SMOC2: variants seen among roughly 807,000 people sequenced by gnomAD.
The protein encoded by SMOC2 is SPARC-related modular calcium-binding protein 2.
SMOC2 carries 39 observed loss-of-function variants against 61.4 expected under a neutral mutation model. The ratio of observed to expected loss-of-function variants is 0.64; its 90% CI spans 0.49 to 0.83. SMOC2 has a LOEUF of 0.83. Among genes scored for constraint, SMOC2 ranks in the 40% least tolerant of loss-of-function variants. SMOC2 has a pLI of 0.00. For synonymous variants in SMOC2, 247 were observed against 239.9 expected, an observed-to-expected ratio of 1.03 and a Z score of -0.27; for missense variants, 556 against 592.9, an observed-to-expected ratio of 0.94 and a Z score of 0.65.
intron 9 of SMOC2, among the ~76,000 whole-genome samples, chr6:168,614,255 A>G (rs1487503614): frequency 1.6e-5 from 1 of 62,164 alleles, no homozygotes. Flanking sequence ...ACCTACAGCC[A>G]GCACAGGGCC....
intron 7 of SMOC2, among the ~76,000 whole-genome samples, chr6:168,586,532 G>C (rs1785049728): frequency 6.6e-6 from 1 of 152,128 alleles, no homozygotes; most frequent in Admixed American, 6.5e-5. Context: ...GAGCTTCCTA[G>C]GATTTCGGTA....
At chr6:168,618,475 G>A (rs1786157415) in intron 9 of SMOC2, among the ~76,000 whole-genome samples, 1 of 150,780 alleles carries the variant, frequency 6.6e-6, no homozygotes, top group South Asian at 2.1e-4. Context: ...AGGAGAGGCG[G>A]GTAGTGGCAT....
intron 1 of SMOC2, among the ~76,000 whole-genome samples, chr6:168,503,779 A>G (rs1782795206): frequency 2.0e-5 from 3 of 152,024 alleles, no homozygotes; most frequent in Admixed American, 6.6e-5. Context: ...CCAGAGCCCA[A>G]TGTTAATGCC....
intron 7 of SMOC2, among the ~76,000 whole-genome samples, chr6:168,552,320 A>G (rs1562343022): frequency 6.6e-6 from 1 of 152,204 alleles, no homozygotes; most frequent in Admixed American, 6.5e-5. Context: ...TTTACTTGTA[A>G]TCATCTTCGG....
intron 7 of SMOC2, among the ~76,000 whole-genome samples, chr6:168,559,918 C>T (rs369704021): frequency 2.4e-4 from 37 of 152,134 alleles, no homozygotes; most frequent in African/African-American, 5.1e-4. Flanking sequence ...TTGCCAAGCA[C>T]GATGCATTAC....
chr6:168,547,138 G>C lies in SMOC2; in HGVS notation c.531G>C (p.Ala177=). Reference sequence around the variant, plus strand: ...ATTCAGATGATGCCGCAGCTCCAGCGTTGGAGACTCAGCCTCAAGGAGATG... The same window carrying C: ...ATTCAGATGATGCCGCAGCTCCAGCCTTGGAGACTCAGCCTCAAGGAGATG... The part of the protein sequence containing the change: ...TGKTDDAAAP[A]LETQPQGDEE... Residue 177 remains alanine, a synonymous_variant, in exon 6 of 13, where the codon GCG becomes GCC. Coordinates refer to ENST00000356284, the MANE Select transcript of SMOC2 (RefSeq NM_001166412.2). 1 of 1,614,054 alleles carries C rather than the reference G, an allele frequency of 6.2e-7. No homozygotes were observed. The highest frequency in any genetic ancestry group is 2.2e-5 in the East Asian group (1 of 44,850).
intron 9 of SMOC2, among the ~76,000 whole-genome samples, chr6:168,645,897 C>T (rs1359250645): frequency 6.6e-6 from 1 of 152,168 alleles, no homozygotes; most frequent in Admixed American, 6.5e-5. Context: ...GATTGGACTT[C>T]CAAGCCAGAG....
intron 1 of SMOC2, among the ~76,000 whole-genome samples, chr6:168,445,351 G>A (rs1781308724): frequency 6.6e-6 from 1 of 152,136 alleles, no homozygotes; most frequent in African/African-American, 2.4e-5. Flanking sequence ...TGGAATGCAT[G>A]ACCACAGACC....
At chr6:168,488,731 G>C (rs1782393386) in intron 1 of SMOC2, among the ~76,000 whole-genome samples, 1 of 151,702 alleles carries the variant, frequency 6.6e-6, no homozygotes, top group African/African-American at 2.4e-5. Context: ...ATATCAAATC[G>C]TCTGGGTCCC....
intron 1 of SMOC2, 47 bp downstream of exon 1, chr6:168,441,501 T>C: frequency 6.9e-7 from 1 of 1,452,390 alleles, no homozygotes; most frequent in Non-Finnish European, 9.0e-7. Flanking sequence ...TGCCGCCTCT[T>C]GCAGCCGGCC....
At chr6:168,615,791 G>T (rs1243636316) in intron 9 of SMOC2, among the ~76,000 whole-genome samples, 1 of 152,112 alleles carries the variant, frequency 6.6e-6, no homozygotes, top group Non-Finnish European at 1.5e-5. Flanking sequence ...TTTTTCTTGG[G>T]GCCCCAAGCA....
intron 9 of SMOC2, among the ~76,000 whole-genome samples, chr6:168,617,448 A>T (rs1385447452): frequency 6.6e-6 from 1 of 152,106 alleles, no homozygotes; most frequent in Non-Finnish European, 1.5e-5. Context: ...AGGGCACTGC[A>T]TTCGTGGACT....
chr6:168,444,096 G>A (rs1230891477), intron 1 of SMOC2, among the ~76,000 whole-genome samples: 2 of 152,192 alleles, frequency 1.3e-5, no homozygotes, highest in Admixed American at 6.5e-5. Context: ...TAAGGTGTGT[G>A]TGGATTCAAC....
chr6:168,441,522 C>T (rs1457053531), intron 1 of SMOC2, 68 bp downstream of exon 1: 1 of 1,419,000 alleles, frequency 7.0e-7, no homozygotes, highest in Non-Finnish European at 9.2e-7. Context: ...GGGTTCGGGT[C>T]CCCGCGCCCC....
chr6:168,515,773 G>A (rs2763236), intron 2 of SMOC2, among the ~76,000 whole-genome samples: 136,334 of 152,250 alleles, frequency 0.9, 61,968 homozygotes, highest in East Asian at 1. Context: ...ACTGAGCCCA[G>A]GACGGGTGAG....
intron 2 of SMOC2, among the ~76,000 whole-genome samples, chr6:168,520,351 G>C (rs1783300108): frequency 2.0e-5 from 3 of 152,186 alleles, no homozygotes; most frequent in Admixed American, 6.5e-5. Context: ...GCCACTCTGA[G>C]GGCTATCATT....
intron 7 of SMOC2, among the ~76,000 whole-genome samples, chr6:168,584,414 A>AAG (rs1310629873): frequency 1.3e-5 from 2 of 152,276 alleles, no homozygotes; most frequent in East Asian, 3.9e-4. Context: ...AACAAAACGA[A>AAG]ACTTGCATAG....
intron 7 of SMOC2, among the ~76,000 whole-genome samples, chr6:168,595,195 G>T (rs113566630): frequency 3.0e-4 from 3 of 10,016 alleles, no homozygotes; most frequent in Admixed American, 1.5e-3. Flanking sequence ...GAGGCCTCAC[G>T]AGGGGCATCT....
chr6:168,489,567 C>G lies in SMOC2; in HGVS notation c.85-20348C>G, dbSNP rs935917167. On this transcript the variant is annotated intron_variant, in intron 1 of 12. Coordinates refer to ENST00000356284, the MANE Select transcript of SMOC2 (RefSeq NM_001166412.2). ...GAAATATATCAAATCGTCTGGGTCCCCTTGGATCACACTGTTTTAGAATGA... is the reference window on the plus strand; with the variant it reads ...GAAATATATCAAATCGTCTGGGTCCGCTTGGATCACACTGTTTTAGAATGA... 2.8e-5 allele frequency among the ~76,000 whole-genome samples: 4 copies of G among 142,618 alleles called. No individual in the cohort carries two copies. The South Asian group carries it at 8.9e-4, about 32-fold the overall frequency. The allele number at this position is 142,618 out of a possible 152,430, so 93.6% of individuals were successfully genotyped here.
Sources: allele counts gnomAD v4.1 joint callset (sites outside exome capture counted in the v4.1 genomes callset), GRCh38; gene constraint gnomAD v4.1.1; transcripts MANE v1.5; gene names NCBI Gene and HGNC (gene_info 2026-07-23, HGNC 2026-07-21).